The following OPHN1 variants were observed in gnomAD, a reference collection of about 807,000 sequenced individuals.
OPHN1 encodes the protein oligophrenin-1.
OPHN1 carries 11 observed loss-of-function variants against 60.7 expected under a neutral mutation model. That is an observed-to-expected ratio of 0.18 (90% CI 0.11 to 0.30). The LOEUF is 0.30. Ranked by LOEUF, OPHN1 falls within the 10% of genes least tolerant of loss-of-function variation. The pLI is 1.00. For missense variants in OPHN1, 449 were observed against 611.0 expected (o/e 0.73, Z 2.80); for synonymous variants, 226 against 222.6 (o/e 1.02, Z -0.14).
chrX:68,431,860 G>A (rs1459465822), intron 2 of OPHN1, among the ~76,000 whole-genome samples: 1 of 111,440 alleles, frequency 9.0e-6, no homozygotes, highest in Non-Finnish European at 1.9e-5. Flanking sequence ...TAACCATATA[G>A]GACATACTTG....
intron 2 of OPHN1, among the ~76,000 whole-genome samples, chrX:68,348,397 C>T (rs1014048956): frequency 2.7e-5 from 3 of 110,530 alleles, no homozygotes; most frequent in African/African-American, 6.6e-5. Context: ...ATGAACACAG[C>T]CAGAGCAAGA....
chrX:68,262,829 AAGGACAGGACAGGACAGGAC>A (rs4020603), intron 5 of OPHN1, among the ~76,000 whole-genome samples: 3 of 97,989 alleles, frequency 3.1e-5, no homozygotes, highest in Non-Finnish European at 6.2e-5. Context: ...CAAGAAAGGA[AAGGACAGGACAGGACAGGAC>A]AGGACAGGAC....
chrX:68,140,412 T>C (rs2077237326), intron 15 of OPHN1, among the ~76,000 whole-genome samples: 2 of 112,011 alleles, frequency 1.8e-5, no homozygotes, highest in African/African-American at 6.5e-5. Context: ...TTCTCTCCAG[T>C]AGTTACCACA....
chrX:68,132,739 C>CAA (rs60182364), intron 15 of OPHN1: 3,524 of 90,347 alleles, frequency 0.039, 144 homozygotes, highest in African/African-American at 0.12. Flanking sequence ...TACTAAGTGT[C>CAA]AAAAAAAAAA....
At chrX:68,215,025 TA>T (rs750613827) in intron 6 of OPHN1, among the ~76,000 whole-genome samples, 4 of 110,640 alleles carry the variant, frequency 3.6e-5, no homozygotes, top group Non-Finnish European at 7.6e-5. Flanking sequence ...AACATAAAAC[TA>T]AATTTAAAAT....
chrX:68,238,880 CTT>C (rs1056958038), intron 5 of OPHN1, among the ~76,000 whole-genome samples: 10 of 111,359 alleles, frequency 9.0e-5, no homozygotes, highest in African/African-American at 3.3e-4. Flanking sequence ...ACAGTGTGCT[CTT>C]TTAGTTTTGT....
At chrX:68,256,267 G>A (rs1001309515) in intron 5 of OPHN1, among the ~76,000 whole-genome samples, 3 of 111,544 alleles carry the variant, frequency 2.7e-5, no homozygotes, top group Non-Finnish European at 5.6e-5. Context: ...GGCTGGCAGA[G>A]AAAGGATGAT....
intron 4 of OPHN1, among the ~76,000 whole-genome samples, chrX:68,280,664 T>A (rs1185459525): frequency 8.9e-6 from 1 of 111,800 alleles, no homozygotes; most frequent in Admixed American, 9.5e-5. Flanking sequence ...CTTACCATCA[T>A]GCCCCTAATA....
At chrX:68,384,716 C>T (rs1274680235) in intron 2 of OPHN1, among the ~76,000 whole-genome samples, 2 of 98,860 alleles carry the variant, frequency 2.0e-5, no homozygotes, top group African/African-American at 7.6e-5. Flanking sequence ...AGGGAGACTC[C>T]ATCTCAAAAA....
chrX:68,099,022 G>A (rs2077048092), intron 18 of OPHN1, among the ~76,000 whole-genome samples: 1 of 111,017 alleles, frequency 9.0e-6, no homozygotes, highest in African/African-American at 3.3e-5. Context: ...TAACTTTTCT[G>A]GAGAAATCAA....
chrX:68,256,486 C>T (rs2077864224), intron 5 of OPHN1, among the ~76,000 whole-genome samples: 1 of 111,637 alleles, frequency 9.0e-6, no homozygotes, highest in South Asian at 3.8e-4. Context: ...TTCTTAACTC[C>T]TATATCATTA....
At chrX:68,395,648 T>G (rs1186474873) in intron 2 of OPHN1, among the ~76,000 whole-genome samples, 3 of 110,418 alleles carry the variant, frequency 2.7e-5, no homozygotes, top group African/African-American at 9.9e-5. Flanking sequence ...GGTTTCTCCA[T>G]GTTGGTCAGG....
At position 68,113,200 on chromosome X, in the gene OPHN1, T is replaced by C; in HGVS notation, c.1401A>G (p.Lys467=). The C allele has an allele frequency of 2.5e-6, 3 of 1,207,448 alleles. No homozygotes were observed. The highest frequency in any genetic ancestry group is 3.4e-6 in the Non-Finnish European group (3 of 891,749). ...ACTTACTGGCAGCAGAGACCAGCTC[T>C]TTGTGAAGTCTATAGGTCATGACAG... The part of the protein sequence containing the change: ...SEPVMTYRLH[K]ELVSAAKSDN... Residue 467 remains lysine, a synonymous_variant, in exon 17 of 25, where the codon AAA becomes AAG. Transcript: ENST00000355520.
chrX:68,308,626 A>G (rs866822157), intron 2 of OPHN1, among the ~76,000 whole-genome samples: 8 of 104,974 alleles, frequency 7.6e-5, no homozygotes, highest in Non-Finnish European at 1.5e-4. Context: ...GAAAAGAAAA[A>G]AGAAAAGAAA....
intron 15 of OPHN1, among the ~76,000 whole-genome samples, chrX:68,164,766 TG>T (rs779584739): frequency 9.8e-5 from 11 of 112,090 alleles, no homozygotes; most frequent in Non-Finnish European, 2.1e-4. Flanking sequence ...TCTCTAGCTA[TG>T]GAAGTCCTAC....
intron 18 of OPHN1, chrX:68,101,974 T>A (rs1371694392): frequency 8.9e-6 from 1 of 112,180 alleles, no homozygotes. Context: ...CTGAAATATA[T>A]GACAAAGAAG....
At chrX:68,270,891 T>A (rs138801673) in intron 5 of OPHN1, among the ~76,000 whole-genome samples, 1,184 of 111,370 alleles carry the variant, frequency 0.011, 14 homozygotes, top group African/African-American at 0.037. Flanking sequence ...TACAACCAGA[T>A]CTCAATTCAT....
intron 2 of OPHN1, among the ~76,000 whole-genome samples, chrX:68,425,022 A>G (rs2078847147): frequency 8.9e-6 from 1 of 112,352 alleles, no homozygotes; most frequent in Admixed American, 9.5e-5. Flanking sequence ...CCATGTGCTC[A>G]GAGGCACTGA....
intron 10 of OPHN1, among the ~76,000 whole-genome samples, chrX:68,205,380 G>A (rs1326346461): frequency 1.8e-5 from 2 of 111,082 alleles, no homozygotes; most frequent in Admixed American, 9.6e-5. Context: ...CCCGGGAGGT[G>A]GAGGTTGCTG....
Sources: allele counts gnomAD v4.1 joint callset (sites outside exome capture counted in the v4.1 genomes callset), GRCh38; gene constraint gnomAD v4.1.1; transcripts MANE v1.5; gene names NCBI Gene and HGNC (gene_info 2026-07-23, HGNC 2026-07-21).